LARGE1: variants seen among roughly 807,000 people sequenced by gnomAD.
The protein encoded by LARGE1 is xylosyl- and glucuronyltransferase LARGE1.
In LARGE1, 43 loss-of-function variants were observed where a neutral mutation model predicts 87.6. The ratio of observed to expected loss-of-function variants is 0.49; its 90% CI spans 0.38 to 0.63. The LOEUF (loss-of-function observed/expected upper bound fraction) is 0.63. Ranked by LOEUF, LARGE1 falls within the 30% of genes least tolerant of loss-of-function variation. LARGE1 has a pLI of 0.00. For synonymous variants in LARGE1, 434 were observed against 394.6 expected, an observed-to-expected ratio of 1.10 and a Z score of -1.18; for missense variants, 802 against 1,000.2, an observed-to-expected ratio of 0.80 and a Z score of 2.67.
chr22:33,112,368 T>C, the LARGE1 span, among the ~76,000 whole-genome samples: 1 of 152,248 alleles, frequency 6.6e-6, no homozygotes, highest in Non-Finnish European at 1.5e-5. Flanking sequence ...AGTAATAGTA[T>C]GTGCATCCTA....
chr22:33,118,208 C>T, the LARGE1 span, among the ~76,000 whole-genome samples: 1 of 152,138 alleles, frequency 6.6e-6, no homozygotes, highest in Non-Finnish European at 1.5e-5. Flanking sequence ...TATGGCTGGG[C>T]ACAGTGGCTC....
intron 1 of LARGE1, among the ~76,000 whole-genome samples, chr22:33,842,948 CAAAACA>C (rs1274008499): frequency 5.2e-4 from 51 of 97,388 alleles, no homozygotes; most frequent in African/African-American, 1.6e-3. Context: ...CAAAACAAAA[CAAAACA>C]AAAAAACCAC....
intron 3 of LARGE1, among the ~76,000 whole-genome samples, chr22:33,646,099 A>G (rs2080604336): frequency 6.6e-6 from 1 of 152,244 alleles, no homozygotes; most frequent in South Asian, 2.1e-4. Context: ...ATATACCCAA[A>G]GGATTATAAA....
At chr22:33,806,984 G>A (rs12167740) in intron 1 of LARGE1, among the ~76,000 whole-genome samples, 30,164 of 151,294 alleles carry the variant, frequency 0.2, 3,594 homozygotes, top group Admixed American at 0.34. Flanking sequence ...CACTCCAGCC[G>A]GGCGACACAG....
rs141984515 is a variant in LARGE1, at chr22:33,610,983, G to C, written c.492-6425C>G. Among the ~76,000 whole-genome samples the C allele has an allele frequency of 5.3e-3, 812 of 152,360 alleles. 6 individuals carry two copies. The highest frequency in any genetic ancestry group is 9.2e-3 in the Non-Finnish European group (629 of 68,038). On this transcript the variant is annotated intron_variant, in intron 4 of 14. Coordinates refer to ENST00000397394, the MANE Select transcript of LARGE1 (RefSeq NM_133642.5). ...GCAACTTCCATGGGGTGTTAAGCCT[G>C]TCAGGACGGAGAGTGCAAGAGTGAA...
intron 6 of LARGE1, among the ~76,000 whole-genome samples, chr22:33,494,690 A>G (rs2070017190): frequency 6.6e-6 from 1 of 152,236 alleles, no homozygotes; most frequent in South Asian, 2.1e-4. Flanking sequence ...CAGATGAGAA[A>G]CATGAGGTTC....
chr22:33,878,984 CTT>C (rs869180743), intron 1 of LARGE1, among the ~76,000 whole-genome samples: 5 of 127,998 alleles, frequency 3.9e-5, no homozygotes, highest in Non-Finnish European at 6.7e-5. Flanking sequence ...CTTCTTCTTC[CTT>C]TTTTTTTTTT....
intron 11 of LARGE1, among the ~76,000 whole-genome samples, chr22:33,200,064 A>T (rs930579415): frequency 6.6e-6 from 1 of 151,896 alleles, no homozygotes; most frequent in Non-Finnish European, 1.5e-5. Flanking sequence ...GGCCAGGCTG[A>T]TCTTGAACTC....
intron 11 of LARGE1, among the ~76,000 whole-genome samples, chr22:33,183,626 A>ACGCG (rs1389303871): frequency 8.0e-6 from 1 of 124,372 alleles, no homozygotes; most frequent in African/African-American, 3.0e-5. Flanking sequence ...ACACGCACAC[A>ACGCG]CACACACACA....
chr22:33,740,223 C>A (rs1206403962), intron 2 of LARGE1, among the ~76,000 whole-genome samples: 1 of 152,180 alleles, frequency 6.6e-6, no homozygotes, highest in Non-Finnish European at 1.5e-5. Flanking sequence ...CAGGAGGCAT[C>A]TTCTTCCATG....
At chr22:33,669,382 T>C (rs2081347975) in intron 2 of LARGE1, among the ~76,000 whole-genome samples, 1 of 152,220 alleles carries the variant, frequency 6.6e-6, no homozygotes, top group Admixed American at 6.5e-5. Flanking sequence ...ACCATGCTCT[T>C]CAATTTAGTA....
chr22:33,615,768 A>G (rs1308012084), intron 4 of LARGE1, among the ~76,000 whole-genome samples: 1 of 152,204 alleles, frequency 6.6e-6, no homozygotes, highest in East Asian at 1.9e-4. Flanking sequence ...TCAAGCATAT[A>G]TTTGATAAGC....
intron 6 of LARGE1, among the ~76,000 whole-genome samples, chr22:33,519,233 C>CGTGTGT (rs1021630518): frequency 5.3e-4 from 64 of 121,406 alleles, no homozygotes; most frequent in African/African-American, 1.0e-3. Flanking sequence ...TGCGTGCGCG[C>CGTGTGT]GCGTGTGTGT....
chr22:33,122,811 T>A, the LARGE1 span, among the ~76,000 whole-genome samples: 2 of 152,188 alleles, frequency 1.3e-5, no homozygotes, highest in Non-Finnish European at 2.9e-5. Flanking sequence ...TAAAGCCAAA[T>A]TGGACATGGA....
intron 1 of LARGE1, among the ~76,000 whole-genome samples, chr22:33,811,632 G>A (rs1251846697): frequency 1.3e-5 from 2 of 152,172 alleles, no homozygotes; most frequent in East Asian, 3.8e-4. Flanking sequence ...GTATATAGAG[G>A]TGGGGCCCAA....
chr22:33,533,623 G>C (rs1023919087), intron 6 of LARGE1, among the ~76,000 whole-genome samples: 1 of 152,184 alleles, frequency 6.6e-6, no homozygotes, highest in African/African-American at 2.4e-5. Context: ...GTCGGGAAAC[G>C]TTAGCCCAGC....
chr22:33,751,206 C>T (rs955207820), intron 2 of LARGE1, among the ~76,000 whole-genome samples: 1 of 152,146 alleles, frequency 6.6e-6, no homozygotes, highest in East Asian at 1.9e-4. Flanking sequence ...TAAGGCTGGG[C>T]GTGGTGGCTC....
intron 1 of LARGE1, among the ~76,000 whole-genome samples, chr22:33,874,195 G>C (rs1019083330): frequency 2.0e-5 from 3 of 152,154 alleles, no homozygotes; most frequent in East Asian, 1.9e-4. Context: ...TGAATCCGGG[G>C]ACAGGACCTA....
chr22:33,539,670 G>A (rs1004447649), intron 6 of LARGE1, among the ~76,000 whole-genome samples: 16 of 150,990 alleles, frequency 1.1e-4, no homozygotes, highest in African/African-American at 3.7e-4. Context: ...GCTCACTGCA[G>A]CCTCAAATTT....
Sources: gnomAD v4.1 joint callset for allele counts (sites outside exome capture counted in the v4.1 genomes callset) on GRCh38, gnomAD v4.1.1 for gene constraint, MANE v1.5 for transcripts, NCBI Gene and HGNC (gene_info 2026-07-23, HGNC 2026-07-21) for gene names.